MYCBP2: variants seen among roughly 807,000 people sequenced by gnomAD.
The protein encoded by MYCBP2 is E3 ubiquitin-protein ligase MYCBP2.
A neutral mutation model predicts 525.3 loss-of-function variants in MYCBP2; 120 were observed. The ratio of observed to expected loss-of-function variants is 0.23; its 90% CI spans 0.20 to 0.27. The LOEUF (loss-of-function observed/expected upper bound fraction) is 0.27. MYCBP2 is among the 10% of genes least tolerant of loss of function. The probability of loss-of-function intolerance (pLI) is 1.00; values close to 1 mark genes in which losing one functional copy is unlikely to be tolerated. For synonymous variants in MYCBP2, 1,894 were observed against 1,955.8 expected (o/e 0.97, Z 0.83); for missense variants, 4,149 against 5,657.1 (o/e 0.73, Z 8.55).
intron 68 of MYCBP2, among the ~76,000 whole-genome samples, chr13:77,074,144 G>GT (rs1423479110): frequency 2.0e-5 from 3 of 151,786 alleles, no homozygotes; most frequent in African/African-American, 7.3e-5. Flanking sequence ...TAAAGCTACA[G>GT]TAAGTAAGAC....
At chr13:77,222,640 CT>C (rs2065754907) in intron 20 of MYCBP2, among the ~76,000 whole-genome samples, 1 of 152,134 alleles carries the variant, frequency 6.6e-6, no homozygotes. Flanking sequence ...CTCCCCACCC[CT>C]GTCCCACCCA....
chr13:77,206,175 T>C (rs1314524554), intron 24 of MYCBP2, among the ~76,000 whole-genome samples: 2 of 151,868 alleles, frequency 1.3e-5, no homozygotes, highest in African/African-American at 4.8e-5. Flanking sequence ...AAATAATATA[T>C]TGCACTACAT....
At chr13:77,319,229 A>AG (rs761593557) in intron 1 of MYCBP2, among the ~76,000 whole-genome samples, 5 of 152,038 alleles carry the variant, frequency 3.3e-5, no homozygotes, top group Non-Finnish European at 5.9e-5. Flanking sequence ...AGTAGGCGAG[A>AG]GAGGAGGAGC....
At chr13:77,218,288 T>C (rs1484888230) in intron 20 of MYCBP2, among the ~76,000 whole-genome samples, 1 of 152,212 alleles carries the variant, frequency 6.6e-6, no homozygotes, top group Non-Finnish European at 1.5e-5. Context: ...GAGATCTTTA[T>C]AAATAATTAT....
intron 46 of MYCBP2, among the ~76,000 whole-genome samples, chr13:77,153,886 T>A (rs1461347957): frequency 6.6e-6 from 1 of 152,182 alleles, no homozygotes; most frequent in Non-Finnish European, 1.5e-5. Flanking sequence ...ACCAGGAAAT[T>A]GACATTGGTA....
Position 77,176,380 on chromosome 13 carries a change from T to A in MYCBP2, c.5472+117A>T, listed in dbSNP as rs2059705969. ...ACTCCATAAATATTTAAGTACCATA[T>A]AAAGGATAACTTACAAATAGCTATA... is the stretch of plus-strand genomic sequence containing the variant. On this transcript the variant is annotated intron_variant, in intron 36 of 82. Coordinates refer to ENST00000544440, the MANE Select transcript of MYCBP2 (RefSeq NM_015057.5). The A allele has an allele frequency of 3.8e-6, 3 of 785,146 alleles. No individual in the cohort carries two copies. In the South Asian group the frequency reaches 1.3e-4, roughly 34 times the overall value. The allele number at this position is 785,146 out of a possible 1,614,324, so 48.6% of individuals were successfully genotyped here. A position where few individuals can be genotyped will look rare whatever the true frequency, so the allele number is the denominator to read the frequency against.
At chr13:77,097,089 T>C (rs1484736404) in intron 56 of MYCBP2, among the ~76,000 whole-genome samples, 3 of 152,194 alleles carry the variant, frequency 2.0e-5, no homozygotes, top group African/African-American at 7.2e-5. Flanking sequence ...GTTTCTGCTG[T>C]GTGAGACAGA....
intron 10 of MYCBP2, 121 bp downstream of exon 10, chr13:77,263,530 T>C: frequency 2.8e-6 from 2 of 727,106 alleles, no homozygotes; most frequent in South Asian, 4.6e-5. Context: ...ATATTAATAG[T>C]AACAGACACA....
At chr13:77,234,039 T>C (rs2067522875) in intron 17 of MYCBP2, among the ~76,000 whole-genome samples, 1 of 151,900 alleles carries the variant, frequency 6.6e-6, no homozygotes, top group Non-Finnish European at 1.5e-5. Flanking sequence ...CCCACACAGA[T>C]TATAGCTCTT....
At chr13:77,066,545 G>T (rs2040233804) in intron 71 of MYCBP2, among the ~76,000 whole-genome samples, 1 of 152,184 alleles carries the variant, frequency 6.6e-6, no homozygotes, top group Non-Finnish European at 1.5e-5. Context: ...AAGTAGCACT[G>T]TTCAGATGTC....
At chr13:77,262,021 T>A (rs750376825) in intron 11 of MYCBP2, 32 bp downstream of exon 11, 1 of 1,552,160 alleles carries the variant, frequency 6.4e-7, no homozygotes, top group Admixed American at 1.7e-5. Flanking sequence ...AATCAGAGAA[T>A]GCTCATTTTT....
intron 1 of MYCBP2, among the ~76,000 whole-genome samples, chr13:77,303,369 T>C (rs1296319987): frequency 6.6e-6 from 1 of 152,206 alleles, no homozygotes; most frequent in Non-Finnish European, 1.5e-5. Flanking sequence ...TTAATCAACC[T>C]GACCTAATTG....
At chr13:77,124,668 A>G (rs9600819) in intron 54 of MYCBP2, among the ~76,000 whole-genome samples, 75,479 of 152,072 alleles carry the variant, frequency 0.5, 21,058 homozygotes, top group Non-Finnish European at 0.64. Flanking sequence ...CTATGACACT[A>G]TTGTTCTAGT....
At chr13:77,047,301 T>G (rs1409422200) in intron 82 of MYCBP2, among the ~76,000 whole-genome samples, 1 of 152,168 alleles carries the variant, frequency 6.6e-6, no homozygotes, top group East Asian at 1.9e-4. Context: ...GAAGTAAAAT[T>G]ATTTTTTCTG....
intron 43 of MYCBP2, among the ~76,000 whole-genome samples, chr13:77,163,582 GATTA>G (rs1211666840): frequency 6.6e-6 from 1 of 152,004 alleles, no homozygotes; most frequent in Non-Finnish European, 1.5e-5. Flanking sequence ...CTTGATTATA[GATTA>G]ATCTATATAT....
intron 30 of MYCBP2, among the ~76,000 whole-genome samples, chr13:77,186,675 G>A (rs757378530): frequency 6.6e-5 from 10 of 152,004 alleles, no homozygotes; most frequent in Non-Finnish European, 1.3e-4. Context: ...GATTTTCTTT[G>A]CAGTTCTAGT....
intron 52 of MYCBP2, among the ~76,000 whole-genome samples, chr13:77,127,032 A>G (rs1188863030): frequency 2.0e-5 from 3 of 152,104 alleles, no homozygotes; most frequent in African/African-American, 7.2e-5. Context: ...AAACTGATCC[A>G]TAAGCAGAGA....
At chr13:77,289,646 G>T (rs1469129121) in intron 2 of MYCBP2, among the ~76,000 whole-genome samples, 1 of 152,022 alleles carries the variant, frequency 6.6e-6, no homozygotes, top group Non-Finnish European at 1.5e-5. Context: ...AGGCAAATTG[G>T]TCTACTCTCA....
chr13:77,152,619 G>A (rs2056638651), intron 46 of MYCBP2, among the ~76,000 whole-genome samples: 1 of 152,168 alleles, frequency 6.6e-6, no homozygotes, highest in Admixed American at 6.5e-5. Flanking sequence ...AGGAGAAGCA[G>A]CAACTGATGA....
Sources: gnomAD v4.1 joint callset for allele counts (sites outside exome capture counted in the v4.1 genomes callset) on GRCh38, gnomAD v4.1.1 for gene constraint, MANE v1.5 for transcripts, NCBI Gene and HGNC (gene_info 2026-07-23, HGNC 2026-07-21) for gene names.